The following DNALI1 variants were observed in gnomAD, a reference collection of about 807,000 sequenced individuals.
DNALI1 encodes the protein axonemal dynein light intermediate polypeptide 1.
Under a neutral mutation model 33.9 loss-of-function variants are expected in DNALI1, and 31 were observed. The observed-to-expected ratio is 0.91, with a 90% CI of 0.69 to 1.23. The LOEUF is 1.23. Among genes scored for constraint, DNALI1 ranks in the 50% most tolerant of loss-of-function variants. DNALI1 has a pLI of 0.00. For synonymous variants in DNALI1, 117 were observed against 129.2 expected (o/e 0.91, Z 0.64); for missense variants, 305 against 323.8 (o/e 0.94, Z 0.44).
rs774600493 is a variant in DNALI1 at position 37,557,027 on chromosome 1, C to T, written c.33C>T (p.Tyr11=). MIPPADSLLK[Y]DTPVLVSRNT... is the part of the protein sequence containing the mutation. ...CGCCCGCAGACTCTTTGCTCAAGTA[C>T]GACACCCCAGTGCTGGTGAGCCGGA... Residue 11 remains tyrosine (Y), a synonymous_variant, in exon 1 of 6, where the codon TAC becomes TAT. Transcript: ENST00000652629. 28 of 1,614,058 alleles carry T rather than the reference C, an allele frequency of 1.7e-5. No individual in the cohort carries two copies. Among genetic ancestry groups the T allele is most frequent in the Middle Eastern group, 1.6e-4 (1 of 6,084 alleles).
chr1:37,566,699 G>T lies in DNALI1; in HGVS notation c.*1638G>T. 1 of 677,154 alleles carries T rather than the reference G, an allele frequency of 1.5e-6. No individual in the cohort carries two copies. Among genetic ancestry groups the T allele is most frequent in the Non-Finnish European group, 2.5e-6 (1 of 397,550 alleles). The allele number at this position is 677,154 out of a possible 1,614,324, so 41.9% of individuals were successfully genotyped here. ...GACTCTTATCACTGAAATCCTTAAGGTTGAGGAGGCTTTATTTCCCTAGCA... is the reference window on the plus strand; with the variant it reads ...GACTCTTATCACTGAAATCCTTAAGTTTGAGGAGGCTTTATTTCCCTAGCA... On this transcript the variant is annotated 3_prime_UTR_variant, in exon 6 of 6. Coordinates refer to ENST00000652629, the MANE Select transcript of DNALI1 (RefSeq NM_003462.5).
chr1:37,561,471 C>T lies in DNALI1; in HGVS notation c.398-86C>T. ...CAAGCGAGAACACCCTAATGTCCTT[C>T]CCAAGAGGAAGGGTGTTTGCAGTAG... On this transcript the variant is annotated intron_variant, in intron 3 of 5. Transcript: ENST00000652629. This position sits in a 1 kb window ranked among gnomAD's most constrained non-coding sequence, Gnocchi z 4.6. The T allele has an allele frequency of 1.3e-6, 2 of 1,500,292 alleles. No individual in the cohort carries two copies. The highest frequency in any genetic ancestry group is 2.4e-5 in the East Asian group (1 of 42,178). The allele number at this position is 1,500,292 out of a possible 1,614,324, so 92.9% of individuals were successfully genotyped here.
Position 37,561,468 on chromosome 1 carries a change from C to T in DNALI1, c.398-89C>T. 7 of 1,490,290 alleles carry T rather than the reference C, an allele frequency of 4.7e-6. No homozygotes were observed. The highest frequency in any genetic ancestry group is 6.4e-6 in the Non-Finnish European group (7 of 1,100,854). 92.3% of individuals were successfully genotyped at this position (1,490,290 alleles called of 1,614,324 possible). On this transcript the variant is annotated intron_variant, in intron 3 of 5. Coordinates refer to ENST00000652629, the MANE Select transcript of DNALI1 (RefSeq NM_003462.5). The surrounding 1 kb of genome is among the most constrained non-coding windows in gnomAD (Gnocchi z 4.6). The stretch of plus-strand genomic sequence containing the variant: ...CTCCAAGCGAGAACACCCTAATGTC[C>T]TTCCCAAGAGGAAGGGTGTTTGCAG...
At position 37,566,374 on chromosome 1, in the gene DNALI1, T is replaced by C. The variant is rs1208562016; in HGVS notation, c.*1313T>C. ...TCCAGGCCTCTAAGACAGGAACGTA[T>C]GTGCCATAAGTGGGTCTACTTCACA... is the stretch of plus-strand genomic sequence containing the variant. On this transcript the variant is annotated 3_prime_UTR_variant, in exon 6 of 6. Coordinates refer to ENST00000652629, the MANE Select transcript of DNALI1 (RefSeq NM_003462.5). 2.0e-5 allele frequency: 3 copies of C among 153,088 alleles called. No individual in the cohort carries two copies. The highest frequency in any genetic ancestry group is 7.2e-5 in the African/African-American group (3 of 41,466). The allele number at this position is 153,088 out of a possible 1,614,324, so 9.5% of individuals were successfully genotyped here.
rs960289519 is a variant in DNALI1, at chr1:37,559,005, C to G, written c.228-322C>G. Among the ~76,000 whole-genome samples the G allele has an allele frequency of 1.3e-5, 2 of 152,216 alleles. No homozygotes were observed. Among genetic ancestry groups the G allele is most frequent in the African/African-American group, 4.8e-5 (2 of 41,448 alleles). On this transcript the variant is annotated intron_variant, in intron 2 of 5. Coordinates refer to ENST00000652629, the MANE Select transcript of DNALI1 (RefSeq NM_003462.5). This position sits in a 1 kb window ranked among gnomAD's most constrained non-coding sequence, Gnocchi z 5.3. ...CCCGTAAGTTGGTGGGTAGTTCCTA[C>G]TGTTCACATCAAGCAACAACCATAA...
intron 1 of DNALI1, 52 bp from the exon 2 acceptor site, chr1:37,557,551 T>A: frequency 6.3e-7 from 1 of 1,580,472 alleles, no homozygotes. Context: ...TGGGGATGTG[T>A]GGAGCTGAGC....
rs1643406315 is a variant in DNALI1 at position 37,559,114 on chromosome 1, T to C, written c.228-213T>C. Among the ~76,000 whole-genome samples, 1 of 152,206 alleles carries C rather than the reference T, an allele frequency of 6.6e-6. No homozygotes were observed. Among genetic ancestry groups the C allele is most frequent in the Non-Finnish European group, 1.5e-5 (1 of 68,034 alleles). On this transcript the variant is annotated intron_variant, in intron 2 of 5. Transcript: ENST00000652629. This position sits in a 1 kb window ranked among gnomAD's most constrained non-coding sequence, Gnocchi z 5.3. ...AGGCCCGTTGCCAAGGTGGAAATTG[T>C]CTACCACCTACCCATTCCCAAGATC...
rs1643488318 is a variant in DNALI1, at chr1:37,565,416, A to G, written c.*355A>G. 4.8e-6 allele frequency: 1 copy of G among 207,316 alleles called. No homozygotes were observed. The highest frequency in any genetic ancestry group is 5.7e-5 in the Admixed American group (1 of 17,688). 12.8% of individuals were successfully genotyped at this position (207,316 alleles called of 1,614,324 possible). On this transcript the variant is annotated 3_prime_UTR_variant, in exon 6 of 6. Coordinates refer to ENST00000652629, the MANE Select transcript of DNALI1 (RefSeq NM_003462.5). ...TCTATACCAATACTTATTTCTGGCC[A>G]AATGAATCTGCTTCTCTGCCCCTCA...
Position 37,562,006 on chromosome 1 carries a change from T to C in DNALI1, c.577-75T>C, listed in dbSNP as rs2148123026. The C allele has an allele frequency of 1.3e-6, 2 of 1,599,784 alleles. No individual in the cohort carries two copies. The highest frequency in any genetic ancestry group is 1.7e-6 in the Non-Finnish European group (2 of 1,171,708). On this transcript the variant is annotated intron_variant, in intron 4 of 5. Transcript: ENST00000652629. This position sits in a 1 kb window ranked among gnomAD's most constrained non-coding sequence, Gnocchi z 5.8. ...TATACCCTGGCAATGTCATGTCCCA[T>C]GTCCCTTCCACCCAGGCTCACACCA...
chr1:37,564,975 G>C, intron 5 of DNALI1, 51 bp from the exon 6 acceptor site: 1 of 1,597,482 alleles, frequency 6.3e-7, no homozygotes, highest in South Asian at 1.1e-5. Flanking sequence ...TCAGCTATTT[G>C]TATCAGGCTG....
chr1:37,564,362 C>G (rs2148124059), intron 5 of DNALI1, among the ~76,000 whole-genome samples: 1 of 152,080 alleles, frequency 6.6e-6, no homozygotes, highest in East Asian at 1.9e-4. Context: ...GCAGAACTCC[C>G]AGGATCCTAA....
intron 3 of DNALI1, among the ~76,000 whole-genome samples, chr1:37,560,131 AG>A (rs1284261785): frequency 2.6e-5 from 4 of 152,198 alleles, no homozygotes; most frequent in African/African-American, 9.6e-5. Flanking sequence ...ACGTACAATC[AG>A]GTTTTATACT....
Position 37,561,958 on chromosome 1 carries a change from T to C in DNALI1, c.577-123T>C. On this transcript the variant is annotated intron_variant, in intron 4 of 5. Transcript: ENST00000652629. The surrounding 1 kb of genome is among the most constrained non-coding windows in gnomAD (Gnocchi z 4.6). ...GCTGTAGACGCTCCATGCCAGGCAC[T>C]GACCTCCCACTGGGTGGCAGTATAT... The C allele has an allele frequency of 1.3e-6, 2 of 1,486,224 alleles. No homozygotes were observed. The highest frequency in any genetic ancestry group is 1.8e-6 in the Non-Finnish European group (2 of 1,094,142). 92.1% of individuals were successfully genotyped at this position (1,486,224 alleles called of 1,614,324 possible). A position where few individuals can be genotyped will look rare whatever the true frequency, so the allele number is the denominator to read the frequency against.
Position 37,561,745 on chromosome 1 carries a change from G to T in DNALI1, c.576+10G>T. On this transcript the variant is annotated intron_variant, in intron 4 of 5. Coordinates refer to ENST00000652629, the MANE Select transcript of DNALI1 (RefSeq NM_003462.5). The surrounding 1 kb of genome is among the most constrained non-coding windows in gnomAD (Gnocchi z 4.6). ...AGACATGGAGAGGAAAGTGAGTGGG[G>T]TTTACCGTGACCCTTGGTCCCATCT... 1 of 1,611,994 alleles carries T rather than the reference G, an allele frequency of 6.2e-7. No individual in the cohort carries two copies. Among genetic ancestry groups the T allele is most frequent in the Non-Finnish European group, 8.5e-7 (1 of 1,178,590 alleles).
chr1:37,557,151 A>G (rs962843114), intron 1 of DNALI1, 76 bp downstream of exon 1: 9 of 1,598,996 alleles, frequency 5.6e-6, no homozygotes, highest in Middle Eastern at 1.7e-4. Flanking sequence ...ATGGAGGGTC[A>G]GGAATCTCAA....
At chr1:37,563,425 G>GTTTCTAACA (rs1643462464) in intron 5 of DNALI1, among the ~76,000 whole-genome samples, 1 of 152,228 alleles carries the variant, frequency 6.6e-6, no homozygotes, top group South Asian at 2.1e-4. Flanking sequence ...ACCTTAGCAT[G>GTTTCTAACA]TTTCTAACAT....
chr1:37,561,016 C>A lies in DNALI1; in HGVS notation c.398-541C>A, dbSNP rs1643432482. On this transcript the variant is annotated intron_variant, in intron 3 of 5. Coordinates refer to ENST00000652629, the MANE Select transcript of DNALI1 (RefSeq NM_003462.5). This position sits in a 1 kb window ranked among gnomAD's most constrained non-coding sequence, Gnocchi z 4.6. ...CTTATGGACGCCGATCTGCAAACCA[C>A]CTCCAAACCCTCAGGCAGCTGCAGG... 1 of 152,968 alleles carries A rather than the reference C, an allele frequency of 6.5e-6. No homozygotes were observed. Among genetic ancestry groups the A allele is most frequent in the African/African-American group, 2.4e-5 (1 of 41,454 alleles). 9.5% of individuals were successfully genotyped at this position (152,968 alleles called of 1,614,324 possible). A position where few individuals can be genotyped will look rare whatever the true frequency, so the allele number is the denominator to read the frequency against.
chr1:37,557,110 G>C, intron 1 of DNALI1, 35 bp downstream of exon 1: 1 of 1,613,794 alleles, frequency 6.2e-7, no homozygotes, highest in Non-Finnish European at 8.5e-7. Context: ...AAGGAGCCTC[G>C]AAACTCCGAT....
rs573867947 is a variant in DNALI1, at chr1:37,562,407, CAG to C, written c.741+165_741+166del. On this transcript the variant is annotated intron_variant, in intron 5 of 5. Coordinates refer to ENST00000652629, the MANE Select transcript of DNALI1 (RefSeq NM_003462.5). This position sits in a 1 kb window ranked among gnomAD's most constrained non-coding sequence, Gnocchi z 5.8. Reference sequence around the variant, plus strand: ...TGGTGGTGGGAGAAGGGGAGGGCTCCAGAGGGGGTCTCTACTCTCAACTCCAA... The same window carrying C: ...TGGTGGTGGGAGAAGGGGAGGGCTCCAGGGGGTCTCTACTCTCAACTCCAA... 8.5e-5 allele frequency among the ~76,000 whole-genome samples: 13 copies of C among 152,230 alleles called. No individual in the cohort carries two copies. Among genetic ancestry groups the C allele is most frequent in the Admixed American group, 2.6e-4 (4 of 15,288 alleles).
Sources: allele counts gnomAD v4.1 joint callset (sites outside exome capture counted in the v4.1 genomes callset), GRCh38; gene constraint gnomAD v4.1.1; non-coding constraint Gnocchi (gnomAD v3.1); transcripts MANE v1.5; gene names NCBI Gene and HGNC (gene_info 2026-07-23, HGNC 2026-07-21).